Variants in LILRB2 observed in about 807,000 individuals in gnomAD.
The protein encoded by LILRB2 is leukocyte immunoglobulin-like receptor subfamily B member 2.
In LILRB2, 47 loss-of-function variants were observed where a neutral mutation model predicts 72.7. That is an observed-to-expected ratio of 0.65 (90% confidence interval 0.51 to 0.82). The LOEUF (loss-of-function observed/expected upper bound fraction) is 0.82, where lower values mean the gene tolerates loss of function less well. LILRB2 is among the 40% of genes least tolerant of loss of function. The pLI is 0.00. For synonymous variants in LILRB2, 279 were observed against 313.7 expected, an observed-to-expected ratio of 0.89 and a Z score of 1.17; for missense variants, 767 against 764.8, an observed-to-expected ratio of 1.00 and a Z score of -0.03.
chr19:54,279,557 G>A lies in LILRB2; in HGVS notation c.446C>T (p.Ala149Val). 1 of 1,613,926 alleles carries A rather than the reference G, an allele frequency of 6.2e-7. No homozygotes were observed. The change falls in exon 5 of 14, where the codon GCA becomes GTA. Residue 149 changes from alanine to valine, a missense_variant. Physicochemically the swap from Ala to Val is moderately conservative, Grantham distance 64 (BLOSUM62 0). Transcript: ENST00000314446. Reference sequence around the variant, plus strand: ...CTTACACAGAATGAAGCCGCCAAATGCCACCTGTGACTCACACTGGAGGGT... The same window carrying A: ...CTTACACAGAATGAAGCCGCCAAATACCACCTGTGACTCACACTGGAGGGT... ...RVTLQCESQV[A>V]FGGFILCKEG...
intron 13 of LILRB2, 58 bp downstream of exon 13, chr19:54,275,893 C>A: frequency 6.3e-7 from 1 of 1,595,338 alleles, no homozygotes; most frequent in Non-Finnish European, 8.6e-7. Context: ...AGAAGTCCTG[C>A]TGGATTAGAT....
chr19:54,275,671 G>T, intron 13 of LILRB2: 1 of 591,536 alleles, frequency 1.7e-6, no homozygotes, highest in Non-Finnish European at 3.3e-6. Context: ...GGACCGGGGT[G>T]GTTCATTTAT....
Position 54,278,272 on chromosome 19 carries a change from G to A in LILRB2, c.1246C>T (p.Leu416Phe), listed in dbSNP as rs770366532. ...TCAAGGCCCCCACCTGAGACCACGAGCTCCAGGGGCTCACTGGGGTGAGAC... is the reference window on the plus strand; with the variant it reads ...TCAAGGCCCCCACCTGAGACCACGAACTCCAGGGGCTCACTGGGGTGAGAC... ...LLSHPSEPLE[L>F]VVSGPSMGSS... Residue 416 changes from leucine (L) to phenylalanine (F), a missense_variant, in exon 7 of 14, where the codon CTC becomes TTC. Leu to Phe is a conservative substitution (Grantham distance 22). Around this residue, in one of 3 missense-constraint regions of LILRB2, gnomAD observed 599 missense variants for 568.2 expected, o/e 1.05. Transcript: ENST00000314446. 3.7e-6 allele frequency: 6 copies of A among 1,614,210 alleles called. No individual in the cohort carries two copies. Among genetic ancestry groups the A allele is most frequent in the Non-Finnish European group, 5.1e-6 (6 of 1,180,020 alleles).
chr19:54,274,968 G>C, intron 13 of LILRB2, 139 bp from the exon 14 acceptor site: 8 of 1,565,568 alleles, frequency 5.1e-6, no homozygotes, highest in Non-Finnish European at 7.0e-6. Context: ...GGAATTCCCC[G>C]GACAGTGGGG....
chr19:54,275,737 G>C (rs2147751952), intron 13 of LILRB2: 1 of 711,398 alleles, frequency 1.4e-6, no homozygotes, highest in East Asian at 2.9e-5. Context: ...CCAAACAGAG[G>C]ATGAGGAGCA....
In LILRB2 at chr19:54,279,774, C is replaced by T. The variant is rs1187386258; in HGVS notation, c.355+17G>A. 5 of 1,613,404 alleles carry T rather than the reference C, an allele frequency of 3.1e-6. No individual in the cohort carries two copies. Among genetic ancestry groups the T allele is most frequent in the Non-Finnish European group, 4.2e-6 (5 of 1,179,610 alleles). On this transcript the variant is annotated intron_variant, in intron 4 of 13. Transcript: ENST00000314446. The stretch of plus-strand genomic sequence containing the variant: ...GAGGGCAGAGCCTGGGGCTGGGATC[C>T]CTGAGTGTCCTCTCACCTGTCATCA...
intron 9 of LILRB2, 196 bp from the exon 10 acceptor site, chr19:54,277,125 G>C: frequency 2.7e-6 from 4 of 1,500,050 alleles, no homozygotes; most frequent in Middle Eastern, 1.9e-4. Context: ...CGGGCCCCCA[G>C]CCAGGAAGCG....
At chr19:54,274,972 A>T (rs2080155075) in intron 13 of LILRB2, 143 bp from the exon 14 acceptor site, 1 of 1,609,086 alleles carries the variant, frequency 6.2e-7, no homozygotes. Flanking sequence ...TTCCCCGGAC[A>T]GTGGGGAGGG....
chr19:54,277,508 C>G, intron 9 of LILRB2, 42 bp downstream of exon 9: 1 of 1,553,384 alleles, frequency 6.4e-7, no homozygotes, highest in Non-Finnish European at 8.7e-7. Context: ...CCCCTGCCTC[C>G]CCGGGACCCC....
chr19:54,274,923 T>C (rs187775982), intron 13 of LILRB2, 94 bp from the exon 14 acceptor site: 86,699 of 1,595,232 alleles, frequency 0.054, 2,433 homozygotes, highest in South Asian at 0.066. Flanking sequence ...TGTCCATCTG[T>C]CTGTCCTCTT....
rs1239957359 is a variant in LILRB2, at chr19:54,277,874, G to T, written c.1309+15C>A. On this transcript the variant is annotated intron_variant, in intron 8 of 13. Coordinates refer to ENST00000314446, the MANE Select transcript of LILRB2 (RefSeq NM_001080978.4). ...TCGCTGCGCTCCCTTCGAGCCAGAG[G>T]CCTCAGGGACTCACCAGGTGTGGAG... 6.5e-7 allele frequency: 1 copy of T among 1,543,510 alleles called. No individual in the cohort carries two copies. Among genetic ancestry groups the T allele is most frequent in the Admixed American group, 2.0e-5 (1 of 50,894 alleles).
rs771482585 is a variant in LILRB2, at chr19:54,274,790, G to C, written c.1687C>G (p.Gln563Glu). Residue 563 changes from glutamine (Q) to glutamate (E), a missense_variant, in exon 14 of 14, where the codon CAG becomes GAG. Coordinates refer to ENST00000314446, the MANE Select transcript of LILRB2 (RefSeq NM_001080978.4). Reference protein sequence around the residue: ...SEAPQDVTYAQLHSLTLRRKA... With the variant: ...SEAPQDVTYAELHSLTLRRKA... Reference sequence around the variant, plus strand: ...CGTCTGAGGGTCAAGCTGTGCAGCTGGGCGTAGGTCACATCCTGGGGGGCT... The same window carrying C: ...CGTCTGAGGGTCAAGCTGTGCAGCTCGGCGTAGGTCACATCCTGGGGGGCT... 6.2e-6 allele frequency: 10 copies of C among 1,613,678 alleles called. No homozygotes were observed. The highest frequency in any genetic ancestry group is 8.5e-6 in the Non-Finnish European group (10 of 1,179,948).
chr19:54,278,815 T>C lies in LILRB2; in HGVS notation c.952A>G (p.Thr318Ala), dbSNP rs10405713. ...APSDPLDILI[T>A]GQIRGTPFIS... The stretch of plus-strand genomic sequence containing the variant: ...CTGAACCCGCTGGGCTCCTCACCTG[T>C]GATCAGGATGTCCAGGGGGTCGCTG... The change falls in exon 6 of 14, where the codon ACA (threonine) becomes GCA (alanine). Residue 318 changes from threonine (T) to alanine (A), a missense_variant. Physicochemically the swap from Thr to Ala is moderately conservative, Grantham distance 58. Transcript: ENST00000314446. The C allele has an allele frequency of 0.018, 28,890 of 1,594,532 alleles. 1,147 individuals carry two copies. Among genetic ancestry groups the C allele is most frequent in the African/African-American group, 0.14 (10,313 of 74,804 alleles).
chr19:54,279,675 A>G, intron 4 of LILRB2, 28 bp from the exon 5 acceptor site: 3 of 1,598,572 alleles, frequency 1.9e-6, no homozygotes, highest in Non-Finnish European at 2.6e-6. Context: ...ATCGTGTTAA[A>G]TGGGGCTCCC....
At position 54,280,945 on chromosome 19, in the gene LILRB2, GT is replaced by G; in HGVS notation, c.-49+15del. 1 of 1,333,122 alleles carries G rather than the reference GT, an allele frequency of 7.5e-7. No individual in the cohort carries two copies. The highest frequency in any genetic ancestry group is 2.0e-5 in the Admixed American group (1 of 50,500). 82.6% of individuals were successfully genotyped at this position (1,333,122 alleles called of 1,614,324 possible). A position where few individuals can be genotyped will look rare whatever the true frequency, so the allele number is the denominator to read the frequency against. ...CCTTCAGCCCATCCATCAGCACAGC[GT>G]TGTGGGGTCCTTACCATGGCAGTCG... On this transcript the variant is annotated intron_variant, in intron 1 of 13. Coordinates refer to ENST00000314446, the MANE Select transcript of LILRB2 (RefSeq NM_001080978.4).
Position 54,280,537 on chromosome 19 carries a change from C to G in LILRB2, c.-41G>C, listed in dbSNP as rs1460001038. ...TGCCCTGCTCTGCGGATGGATGAGC[C>G]CTCGGTGCTGGCGGGACAGAGACAC... On this transcript the variant is annotated 5_prime_UTR_variant, in exon 2 of 14. Transcript: ENST00000314446. 2 of 1,613,892 alleles carry G rather than the reference C, an allele frequency of 1.2e-6. No homozygotes were observed. The highest frequency in any genetic ancestry group is 1.7e-6 in the Non-Finnish European group (2 of 1,179,906).
chr19:54,277,149 G>C, intron 9 of LILRB2: 4 of 1,500,664 alleles, frequency 2.7e-6, no homozygotes, highest in Non-Finnish European at 3.6e-6. Flanking sequence ...GAGCTGGGAA[G>C]GGAGCCTGGG....
chr19:54,275,348 G>A (rs2080172325), intron 13 of LILRB2: 6 of 537,220 alleles, frequency 1.1e-5, no homozygotes, highest in South Asian at 4.1e-5. Context: ...GCAGGGGCTC[G>A]TCCATTAGAG....
At position 54,278,849 on chromosome 19, in the gene LILRB2, G is replaced by C. The variant is rs7247451; in HGVS notation, c.918C>G (p.Cys306Trp). 867,812 of 1,601,094 alleles carry C rather than the reference G, an allele frequency of 0.54. 248,103 individuals are homozygous for C. Among genetic ancestry groups the C allele is most frequent in the Non-Finnish European group, 0.59 (694,908 of 1,176,690 alleles). Residue 306 changes from cysteine (C) to tryptophan (W), a missense_variant, in exon 6 of 14, where the codon TGC becomes TGG. Physicochemically the swap from Cys to Trp is radical, Grantham distance 215 (BLOSUM62 -2). This residue lies in a region of LILRB2 where 599 missense variants were observed against 568.2 expected (regional missense o/e 1.05). Coordinates refer to ENST00000314446, the MANE Select transcript of LILRB2 (RefSeq NM_001080978.4). ...CYGAHNLSSE[C>W]SAPSDPLDIL... ...TGTCCAGGGGGTCGCTGGGGGCCGA[G>C]CACTCAGAGGAGAGGTTGTGTGCAC...
Sources: gnomAD v4.1 joint callset for allele counts on GRCh38, gnomAD v4.1.1 for gene constraint, gnomAD v4.1.1 regional missense constraint, MANE v1.5 for transcripts, NCBI Gene and HGNC (gene_info 2026-07-23, HGNC 2026-07-21) for gene names.